Variants in YBX1 observed in about 807,000 individuals in gnomAD.
The protein encoded by YBX1 is Y-box binding protein 1.
A neutral mutation model predicts 41.4 loss-of-function variants in YBX1; 3 were observed. The observed-to-expected ratio is 0.07, with a 90% confidence interval of 0.03 to 0.19. YBX1 has a LOEUF of 0.19. Among genes scored for constraint, YBX1 ranks in the 10% least tolerant of loss-of-function variants. The probability of loss-of-function intolerance (pLI) is 1.00; values close to 1 mark genes in which losing one functional copy is unlikely to be tolerated. For synonymous variants in YBX1, 133 were observed against 165.8 expected (o/e 0.80, Z 1.52); for missense variants, 274 against 462.8 (o/e 0.59, Z 3.74).
intron 3 of YBX1, among the ~76,000 whole-genome samples, chr1:42,694,770 A>G (rs560883296): frequency 4.6e-5 from 7 of 152,318 alleles, no homozygotes; most frequent in African/African-American, 1.7e-4. Flanking sequence ...TTTAAAGTAG[A>G]TGTTTTATAA....
intron 6 of YBX1, among the ~76,000 whole-genome samples, chr1:42,700,034 G>A (rs1650555866): frequency 6.6e-6 from 1 of 152,168 alleles, no homozygotes; most frequent in Non-Finnish European, 1.5e-5. Flanking sequence ...TTAGAAACTG[G>A]GAGAGTTGAT....
At position 42,696,962 on chromosome 1, in the gene YBX1, C is replaced by T. The variant is rs1254872048; in HGVS notation, c.657+18C>T. 6.5e-7 allele frequency: 1 copy of T among 1,542,638 alleles called. No individual in the cohort carries two copies. Among genetic ancestry groups the T allele is most frequent in the Non-Finnish European group, 8.7e-7 (1 of 1,144,632 alleles). Reference sequence around the variant, plus strand: ...TGATGGAGGTAAGTTTCACCATCAACAACAGCAATGTGATAAGTTCTGGTA... The same window carrying T: ...TGATGGAGGTAAGTTTCACCATCAATAACAGCAATGTGATAAGTTCTGGTA... On this transcript the variant is annotated intron_variant, in intron 5 of 7. Coordinates refer to ENST00000321358, the MANE Select transcript of YBX1 (RefSeq NM_004559.5). This position sits in a 1 kb window ranked among gnomAD's most constrained non-coding sequence, Gnocchi z 5.7.
intron 3 of YBX1, among the ~76,000 whole-genome samples, chr1:42,694,195 A>G (rs993856934): frequency 2.0e-5 from 3 of 152,184 alleles, no homozygotes; most frequent in African/African-American, 4.8e-5. Context: ...AACTGTTAAC[A>G]TAGGATGAGT....
At chr1:42,686,286 C>G (rs933550812) in intron 2 of YBX1, among the ~76,000 whole-genome samples, 1 of 152,146 alleles carries the variant, frequency 6.6e-6, no homozygotes, top group Non-Finnish European at 1.5e-5. Context: ...TAAAACTACT[C>G]CCAGATGCTT....
chr1:42,683,858 A>G (rs947640888), intron 2 of YBX1, among the ~76,000 whole-genome samples: 3 of 152,088 alleles, frequency 2.0e-5, no homozygotes, highest in Non-Finnish European at 4.4e-5. Flanking sequence ...CTGACATCGG[A>G]TATTTATACA....
rs555019118 is a variant in YBX1, at chr1:42,683,099, G to A, written c.167-304G>A. ...CCTTCCGCGTGTGCTCGGAGGGCGC[G>A]GCGCACCGCCTACGCAGGCCGGAGC... On this transcript the variant is annotated intron_variant, in intron 1 of 7. Transcript: ENST00000321358. 6 of 554,896 alleles carry A rather than the reference G, an allele frequency of 1.1e-5. No individual in the cohort carries two copies. The East Asian group carries it at 1.8e-4, about 17-fold the overall frequency. The allele number at this position is 554,896 out of a possible 1,614,324, so 34.4% of individuals were successfully genotyped here.
intron 6 of YBX1, among the ~76,000 whole-genome samples, chr1:42,698,432 G>A (rs1650514260): frequency 3.3e-5 from 5 of 152,212 alleles, no homozygotes; most frequent in Admixed American, 3.3e-4. Context: ...GCTGGATGTT[G>A]AAGATAGATG....
At chr1:42,683,598 T>C (rs1035013381) in intron 2 of YBX1, 132 bp downstream of exon 2, 59 of 957,438 alleles carry the variant, frequency 6.2e-5, no homozygotes, top group Non-Finnish European at 8.9e-5. Flanking sequence ...GGTGTATTAG[T>C]ATGATTTTTT....
intron 2 of YBX1, among the ~76,000 whole-genome samples, chr1:42,690,481 T>TAA (rs1249802950): frequency 1.3e-5 from 2 of 152,318 alleles, no homozygotes; most frequent in Admixed American, 6.5e-5. Flanking sequence ...GTTACATATA[T>TAA]ACAGGGCACC....
chr1:42,693,819 A>G (rs906049133), intron 3 of YBX1, among the ~76,000 whole-genome samples: 2 of 152,240 alleles, frequency 1.3e-5, no homozygotes, highest in African/African-American at 4.8e-5. Context: ...AGATTATTCC[A>G]TGATTCTAAA....
chr1:42,702,801 A>C lies in YBX1; in HGVS notation c.*852A>C, dbSNP rs1208156529. 1.3e-5 allele frequency among the ~76,000 whole-genome samples: 2 copies of C among 152,234 alleles called. No individual in the cohort carries two copies. Among genetic ancestry groups the C allele is most frequent in the East Asian group, 3.8e-4 (2 of 5,196 alleles). ...TGGTGTGGTCATCAAATATTGGTTCAGCTCCTTATGTCCTAGAGATGGAAA... is the reference window on the plus strand; with the variant it reads ...TGGTGTGGTCATCAAATATTGGTTCCGCTCCTTATGTCCTAGAGATGGAAA... On this transcript the variant is annotated 3_prime_UTR_variant, in exon 8 of 8. Coordinates refer to ENST00000321358, the MANE Select transcript of YBX1 (RefSeq NM_004559.5).
chr1:42,700,718 A>T, intron 6 of YBX1, 63 bp from the exon 7 acceptor site: 2 of 1,456,208 alleles, frequency 1.4e-6, no homozygotes, highest in Admixed American at 2.1e-5. Context: ...AACTGGTTAC[A>T]CTGGTGGGTG....
intron 1 of YBX1, 25 bp downstream of exon 1, chr1:42,682,756 T>C: frequency 6.0e-6 from 7 of 1,175,676 alleles, no homozygotes; most frequent in East Asian, 3.6e-5. Context: ...GGGACGGGGG[T>C]GGGGCCCTCG....
chr1:42,683,805 C>G (rs369239371), intron 2 of YBX1, among the ~76,000 whole-genome samples: 1 of 152,158 alleles, frequency 6.6e-6, no homozygotes, highest in Admixed American at 6.5e-5. Context: ...TCCTTGTCAT[C>G]TTTTTCTACT....
At chr1:42,684,891 A>G (rs577716599) in intron 2 of YBX1, among the ~76,000 whole-genome samples, 93 of 152,250 alleles carry the variant, frequency 6.1e-4, no homozygotes, top group African/African-American at 2.1e-3. Flanking sequence ...GTGGTTTTCA[A>G]ATTTAAGTGT....
chr1:42,698,817 TAACA>T (rs1650523239), intron 6 of YBX1, among the ~76,000 whole-genome samples: 6 of 152,224 alleles, frequency 3.9e-5, no homozygotes, highest in African/African-American at 1.2e-4. Flanking sequence ...GTTGCAGAAG[TAACA>T]TAAAATTGCT....
intron 2 of YBX1, among the ~76,000 whole-genome samples, chr1:42,690,535 A>G (rs1452339279): frequency 1.3e-5 from 2 of 152,172 alleles, no homozygotes; most frequent in African/African-American, 4.8e-5. Flanking sequence ...AGTTAAAACA[A>G]TGCAGGGCAC....
At chr1:42,695,162 A>G (rs184672561) in intron 3 of YBX1, among the ~76,000 whole-genome samples, 36 of 152,314 alleles carry the variant, frequency 2.4e-4, no homozygotes, top group African/African-American at 8.7e-4. Flanking sequence ...TTCAACATGT[A>G]GTTGTTTCTT....
At chr1:42,686,516 C>T (rs1650200981) in intron 2 of YBX1, among the ~76,000 whole-genome samples, 1 of 152,160 alleles carries the variant, frequency 6.6e-6, no homozygotes, top group Non-Finnish European at 1.5e-5. Context: ...CACGCCTGGC[C>T]TCTGTGTATG....
Sources: gnomAD v4.1 joint callset for allele counts (sites outside exome capture counted in the v4.1 genomes callset) on GRCh38, gnomAD v4.1.1 for gene constraint, Gnocchi (gnomAD v3.1) non-coding constraint, MANE v1.5 for transcripts, NCBI Gene and HGNC (gene_info 2026-07-23, HGNC 2026-07-21) for gene names.